Variants in ENAH observed in about 807,000 individuals in gnomAD.
The protein encoded by ENAH is ENAH actin regulator.
In ENAH, 23 loss-of-function variants were observed where a neutral mutation model predicts 78.7. The ratio of observed to expected loss-of-function variants is 0.29; its 90% CI spans 0.21 to 0.41. The LOEUF (loss-of-function observed/expected upper bound fraction) is 0.41. Among genes scored for constraint, ENAH ranks in the 10% least tolerant of loss-of-function variants. The pLI is 1.00. For missense variants in ENAH, 544 were observed against 691.0 expected, an observed-to-expected ratio of 0.79 and a Z score of 2.39; for synonymous variants, 226 against 241.0, an observed-to-expected ratio of 0.94 and a Z score of 0.58.
chr1:225,624,777 G>A (rs897322238), intron 1 of ENAH, among the ~76,000 whole-genome samples: 7 of 152,100 alleles, frequency 4.6e-5, no homozygotes, highest in Non-Finnish European at 7.4e-5. Context: ...TCTATCCACC[G>A]GGGATGAAGA....
chr1:225,526,732 C>A (rs1424265661), intron 4 of ENAH, among the ~76,000 whole-genome samples: 1 of 152,074 alleles, frequency 6.6e-6, no homozygotes, highest in Non-Finnish European at 1.5e-5. Flanking sequence ...AAATAACTAC[C>A]CATTTTTATT....
Position 225,593,400 on chromosome 1 carries a change from TGGGG to T in ENAH, c.6-25990_6-25987del, listed in dbSNP as rs1456095465. Among the ~76,000 whole-genome samples, 108 of 20,450 alleles carry T rather than the reference TGGGG, an allele frequency of 5.3e-3. 3 individuals are homozygous for T. Among genetic ancestry groups the T allele is most frequent in the African/African-American group, 0.02 (92 of 4,660 alleles). The allele number at this position is 20,450 out of a possible 152,430, so 13.4% of individuals were successfully genotyped here. A position where few individuals can be genotyped will look rare whatever the true frequency, so the allele number is the denominator to read the frequency against. On this transcript the variant is annotated intron_variant, in intron 1 of 13. Coordinates refer to ENST00000366843, the MANE Select transcript of ENAH (RefSeq NM_018212.6). ...ACTGCAGCCTGCCCCTGTGTGTGTG[TGGGG>T]GGGGGGGGGGGGGTGGGGGGTGCCC...
chr1:225,530,670 T>G, intron 3 of ENAH, 32 bp from the exon 4 acceptor site: 1 of 1,487,358 alleles, frequency 6.7e-7, no homozygotes, highest in Non-Finnish European at 9.4e-7. Context: ...CAGATGAACA[T>G]TATTTTCATA....
chr1:225,494,063 G>GAAAAAAAAAAAAAAAAAA lies in ENAH; in HGVS notation c.*3711_*3712insTTTTTTTTTTTTTTTTTT, dbSNP rs1558690594. 1 of 2,412 alleles carries GAAAAAAAAAAAAAAAAAA rather than the reference G, an allele frequency of 4.1e-4. No homozygotes were observed. The highest frequency in any genetic ancestry group is 1.3e-3 in the Non-Finnish European group (1 of 766). The allele number at this position is 2,412 out of a possible 1,614,324, so 0.1% of individuals were successfully genotyped here. A position where few individuals can be genotyped will look rare whatever the true frequency, so the allele number is the denominator to read the frequency against. ...AAGCAAGAACATGAGACAGGCTAGA[G>GAAAAAAAAAAAAAAAAAA]CAAAAAAAAAAAAAAAAAAACAGCT... On this transcript the variant is annotated 3_prime_UTR_variant, in exon 14 of 14. Coordinates refer to ENST00000366843, the MANE Select transcript of ENAH (RefSeq NM_018212.6).
intron 3 of ENAH, among the ~76,000 whole-genome samples, chr1:225,544,990 A>G (rs2096606605): frequency 6.6e-6 from 1 of 152,230 alleles, no homozygotes; most frequent in South Asian, 2.1e-4. Flanking sequence ...CAAAAAGGCC[A>G]TCAGACCTAC....
intron 2 of ENAH, among the ~76,000 whole-genome samples, chr1:225,562,351 T>A (rs1175536333): frequency 6.6e-6 from 1 of 151,584 alleles, no homozygotes; most frequent in Non-Finnish European, 1.5e-5. Flanking sequence ...GGCGGGCAGA[T>A]CACGAGGTCA....
intron 1 of ENAH, among the ~76,000 whole-genome samples, chr1:225,594,216 T>C (rs954246208): frequency 5.3e-5 from 8 of 152,208 alleles, no homozygotes; most frequent in Non-Finnish European, 1.0e-4. Flanking sequence ...ATGCAATATA[T>C]TTTACTTCTA....
chr1:225,617,329 C>CT (rs1655940453), intron 1 of ENAH, among the ~76,000 whole-genome samples: 1 of 152,096 alleles, frequency 6.6e-6, no homozygotes. Context: ...TGTAAGTGTA[C>CT]TTCCAGGCCC....
chr1:225,556,634 T>C (rs976547415), intron 2 of ENAH, among the ~76,000 whole-genome samples: 2 of 152,182 alleles, frequency 1.3e-5, no homozygotes, highest in African/African-American at 4.8e-5. Flanking sequence ...ATTCTATGAA[T>C]CGCCTTTTCA....
intron 5 of ENAH, 68 bp downstream of exon 5, chr1:225,519,130 C>A: frequency 6.4e-7 from 1 of 1,553,760 alleles, no homozygotes; most frequent in Non-Finnish European, 8.7e-7. Context: ...TATTTTAACA[C>A]ATGACTGCAC....
At chr1:225,577,285 T>TA (rs1005267123) in intron 1 of ENAH, among the ~76,000 whole-genome samples, 2 of 151,984 alleles carry the variant, frequency 1.3e-5, no homozygotes, top group African/African-American at 4.8e-5. Flanking sequence ...GCCATTCCAT[T>TA]AAAAAAAGAA....
intron 1 of ENAH, among the ~76,000 whole-genome samples, chr1:225,580,912 CAAAA>C (rs78529288): frequency 4.3e-3 from 276 of 63,928 alleles, no homozygotes; most frequent in African/African-American, 0.014. Context: ...AGAAAAAAAC[CAAAA>C]AAAAAAAAAA....
chr1:225,631,575 CAAAAA>C (rs397939130), intron 1 of ENAH, among the ~76,000 whole-genome samples: 1 of 71,456 alleles, frequency 1.4e-5, no homozygotes, highest in Non-Finnish European at 3.1e-5. Flanking sequence ...CACCATCTCT[CAAAAA>C]AAAAAAAAAA....
At position 225,487,627 on chromosome 1, in the gene ENAH, T is replaced by A. The variant is rs2096205628; in HGVS notation, c.*10148A>T. 6.6e-6 allele frequency: 1 copy of A among 152,242 alleles called. No individual in the cohort carries two copies. The highest frequency in any genetic ancestry group is 1.5e-5 in the Non-Finnish European group (1 of 68,038). The allele number at this position is 152,242 out of a possible 1,614,324, so 9.4% of individuals were successfully genotyped here. On this transcript the variant is annotated 3_prime_UTR_variant, in exon 14 of 14. Coordinates refer to ENST00000366843, the MANE Select transcript of ENAH (RefSeq NM_018212.6). ...AGCCTTGTATATGTTTAAGTCAACC[T>A]TAACTTTTAAAACATGACTTCAGTA...
At chr1:225,558,850 G>GTCTTGATCTCCTGACC (rs2096683975) in intron 2 of ENAH, among the ~76,000 whole-genome samples, 1 of 151,954 alleles carries the variant, frequency 6.6e-6, no homozygotes, top group Non-Finnish European at 1.5e-5. Flanking sequence ...AGCCAGGAAG[G>GTCTTGATCTCCTGACC]TCTTGATCTC....
intron 4 of ENAH, among the ~76,000 whole-genome samples, chr1:225,526,414 T>C (rs569483641): frequency 6.6e-6 from 1 of 151,886 alleles, no homozygotes; most frequent in Non-Finnish European, 1.5e-5. Flanking sequence ...TCTCAGCTCA[T>C]TGCGACCTTG....
chr1:225,517,933 T>TG (rs1212783343), intron 5 of ENAH: 1 of 1,549,830 alleles, frequency 6.5e-7, no homozygotes, highest in South Asian at 1.2e-5. Flanking sequence ...TGAAGGAGGC[T>TG]GGCAACTGGA....
rs34432111 is a variant in ENAH, at chr1:225,519,569, GA to G, written c.435-5del. The stretch of plus-strand genomic sequence containing the variant: ...CCGTTGCTGTTCTTGTAGTTGTCTG[GA>G]AAAAAAAAAAAAAAAGTAAAAACAT... On this transcript the variant is annotated splice_region_variant and splice_polypyrimidine_tract_variant and intron_variant, in intron 4 of 13. Coordinates refer to ENST00000366843, the MANE Select transcript of ENAH (RefSeq NM_018212.6). 152,236 of 1,198,958 alleles carry G rather than the reference GA, an allele frequency of 0.13. 126 individuals carry two copies. Among genetic ancestry groups the G allele is most frequent in the Middle Eastern group, 0.19 (821 of 4,234 alleles). 74.3% of individuals were successfully genotyped at this position (1,198,958 alleles called of 1,614,324 possible).
chr1:225,501,862 A>C (rs1181343389), intron 11 of ENAH, among the ~76,000 whole-genome samples: 4 of 152,208 alleles, frequency 2.6e-5, no homozygotes, highest in African/African-American at 9.7e-5. Flanking sequence ...TATATTTTAA[A>C]CAAGTTTCAA....
Sources: allele counts gnomAD v4.1 joint callset (sites outside exome capture counted in the v4.1 genomes callset), GRCh38; gene constraint gnomAD v4.1.1; transcripts MANE v1.5; gene names NCBI Gene and HGNC (gene_info 2026-07-23, HGNC 2026-07-21).